The following ADGRB3 variants were observed in gnomAD, a reference collection of about 807,000 sequenced individuals.
ADGRB3 encodes the protein brain-specific angiogenesis inhibitor 3.
A neutral mutation model predicts 193.4 loss-of-function variants in ADGRB3; 37 were observed. The observed-to-expected ratio is 0.19, with a 90% confidence interval of 0.15 to 0.25. The LOEUF is 0.25. Among genes scored for constraint, ADGRB3 ranks in the 10% least tolerant of loss-of-function variants. The pLI is 1.00. For synonymous variants in ADGRB3, 690 were observed against 644.2 expected (o/e 1.07, Z -1.08); for missense variants, 1,637 against 1,852.9 (o/e 0.88, Z 2.14).
intron 8 of ADGRB3, among the ~76,000 whole-genome samples, chr6:68,962,349 C>A (rs1303914705): frequency 4.6e-5 from 7 of 151,878 alleles, no homozygotes; most frequent in Non-Finnish European, 1.0e-4. Flanking sequence ...CCGCTGAGAT[C>A]TAAAAGAATT....
At chr6:68,902,706 A>G (rs950048602) in intron 3 of ADGRB3, among the ~76,000 whole-genome samples, 8 of 152,088 alleles carry the variant, frequency 5.3e-5, no homozygotes, top group African/African-American at 1.9e-4. Context: ...GTAACCACAT[A>G]TAATCATGTG....
At chr6:69,009,654 A>G (rs1226778899) in intron 11 of ADGRB3, among the ~76,000 whole-genome samples, 2 of 152,160 alleles carry the variant, frequency 1.3e-5, no homozygotes, top group Non-Finnish European at 2.9e-5. Flanking sequence ...CTAATGGCTT[A>G]TCCCTGCTTC....
At chr6:68,809,642 A>G (rs9454621) in intron 3 of ADGRB3, among the ~76,000 whole-genome samples, 109,688 of 152,054 alleles carry the variant, frequency 0.72, 40,039 homozygotes, top group East Asian at 0.87. Flanking sequence ...GCAAGACATG[A>G]GTTCACAATC....
rs542470554 is a variant in ADGRB3 at position 68,842,552 on chromosome 6, A to G, written c.758-88007A>G. ...GGCCTCCCAGGAAAGTAAAACCCTCAACTCAATGGCTTCATTACTGCATTT... is the reference window on the plus strand; with the variant it reads ...GGCCTCCCAGGAAAGTAAAACCCTCGACTCAATGGCTTCATTACTGCATTT... On this transcript the variant is annotated intron_variant, in intron 3 of 31. Transcript: ENST00000370598. Among the ~76,000 whole-genome samples the G allele has an allele frequency of 3.6e-4, 54 of 152,096 alleles. 1 individual carries two copies. The South Asian group carries it at 8.1e-3, about 23-fold the overall frequency.
At chr6:68,755,080 G>C (rs1766274103) in intron 3 of ADGRB3, among the ~76,000 whole-genome samples, 1 of 152,136 alleles carries the variant, frequency 6.6e-6, no homozygotes. Flanking sequence ...ACTTAATTTA[G>C]GCACAAACTA....
intron 3 of ADGRB3, among the ~76,000 whole-genome samples, chr6:68,842,826 A>G (rs1608528): frequency 0.13 from 20,418 of 151,992 alleles, 1,489 homozygotes; most frequent in African/African-American, 0.16. Flanking sequence ...ATTCATCATC[A>G]CCAAGTGGGA....
intron 26 of ADGRB3, among the ~76,000 whole-genome samples, chr6:69,345,984 A>G (rs949368532): frequency 6.6e-6 from 1 of 152,252 alleles, no homozygotes; most frequent in Non-Finnish European, 1.5e-5. Context: ...GAGCCAAATT[A>G]TGAGTGAACT....
Position 68,956,780 on chromosome 6 carries a change from T to G in ADGRB3, c.1496T>G (p.Val499Gly). The G allele has an allele frequency of 1.2e-6, 2 of 1,613,664 alleles. No homozygotes were observed. Among genetic ancestry groups the G allele is most frequent in the Non-Finnish European group, 1.7e-6 (2 of 1,179,836 alleles). Residue 499 changes from valine (V) to glycine (G), a missense_variant, in exon 8 of 32, where the codon GTG (valine) becomes GGG (glycine). Val to Gly is a moderately radical substitution (Grantham distance 109). Transcript: ENST00000370598. ...GQQCEGTGEE[V>G]RRCNEQRCPA... ...CAATGTGAAGGAACGGGCGAAGAAG[T>G]GAGAAGATGCAATGAGCAGCGATGC...
At chr6:69,181,866 A>G (rs543091873) in intron 17 of ADGRB3, among the ~76,000 whole-genome samples, 52 of 152,280 alleles carry the variant, frequency 3.4e-4, no homozygotes, top group Non-Finnish European at 5.9e-4. Flanking sequence ...ATTTTTTATA[A>G]TCAACTAGGT....
chr6:69,026,824 A>G (rs962358030), intron 13 of ADGRB3, among the ~76,000 whole-genome samples: 21 of 152,298 alleles, frequency 1.4e-4, no homozygotes, highest in African/African-American at 3.8e-4. Context: ...GCTGTAGTAC[A>G]AATTTGGTAT....
At chr6:68,911,947 G>A (rs1367629338) in intron 3 of ADGRB3, among the ~76,000 whole-genome samples, 1 of 151,506 alleles carries the variant, frequency 6.6e-6, no homozygotes, top group Non-Finnish European at 1.5e-5. Context: ...AGTGTTTAAG[G>A]GAAGTGGAAA....
At chr6:69,046,690 A>T (rs951143274) in intron 13 of ADGRB3, among the ~76,000 whole-genome samples, 8 of 152,222 alleles carry the variant, frequency 5.3e-5, no homozygotes, top group African/African-American at 1.9e-4. Context: ...AAGAACTTTA[A>T]TAAAGTACAA....
chr6:69,081,714 A>T (rs1423789852), intron 17 of ADGRB3, among the ~76,000 whole-genome samples: 1 of 152,054 alleles, frequency 6.6e-6, no homozygotes, highest in Non-Finnish European at 1.5e-5. Flanking sequence ...TTTAAGTTAC[A>T]TCATAGATTT....
intron 3 of ADGRB3, among the ~76,000 whole-genome samples, chr6:68,751,723 A>C: frequency 6.6e-6 from 1 of 152,154 alleles, no homozygotes; most frequent in African/African-American, 2.4e-5. Context: ...TAGCCATCAT[A>C]ATTGTCAAAA....
intron 17 of ADGRB3, among the ~76,000 whole-genome samples, chr6:69,186,101 T>C (rs1165080851): frequency 6.7e-6 from 1 of 149,764 alleles, no homozygotes; most frequent in Non-Finnish European, 1.5e-5. Context: ...TAAAGCCTGC[T>C]CAGAGGGGTA....
chr6:68,746,042 A>G (rs1766077099), intron 3 of ADGRB3, among the ~76,000 whole-genome samples: 1 of 152,116 alleles, frequency 6.6e-6, no homozygotes, highest in Non-Finnish European at 1.5e-5. Flanking sequence ...ATGTATTTCT[A>G]TGAGTAGAAT....
At chr6:69,262,272 G>A (rs532446869) in intron 20 of ADGRB3, among the ~76,000 whole-genome samples, 54 of 151,922 alleles carry the variant, frequency 3.6e-4, no homozygotes, top group African/African-American at 1.1e-3. Context: ...ACTTTGTTTC[G>A]TTTTTTTCTA....
At chr6:68,713,094 C>T (rs1156764918) in intron 3 of ADGRB3, among the ~76,000 whole-genome samples, 1 of 151,790 alleles carries the variant, frequency 6.6e-6, no homozygotes, top group Non-Finnish European at 1.5e-5. Context: ...TTTTTTACTT[C>T]TCAGCCTTTT....
intron 3 of ADGRB3, among the ~76,000 whole-genome samples, chr6:68,674,069 C>T (rs1279304049): frequency 6.6e-6 from 1 of 151,986 alleles, no homozygotes. Flanking sequence ...TTAGAAGTTC[C>T]CTGGAAAGCA....
Sources: allele counts gnomAD v4.1 joint callset (sites outside exome capture counted in the v4.1 genomes callset), GRCh38; gene constraint gnomAD v4.1.1; transcripts MANE v1.5; gene names NCBI Gene and HGNC (gene_info 2026-07-23, HGNC 2026-07-21).